The following PAPOLA variants were observed in gnomAD, a reference collection of about 807,000 sequenced individuals.
PAPOLA encodes the protein polynucleotide adenylyltransferase alpha.
In PAPOLA, 15 loss-of-function variants were observed where a neutral mutation model predicts 100.6. That is an observed-to-expected ratio of 0.15 (90% CI 0.10 to 0.23). The LOEUF (loss-of-function observed/expected upper bound fraction) is 0.23, where lower values mean the gene tolerates loss of function less well. PAPOLA is among the 10% of genes least tolerant of loss of function. The pLI, the probability that PAPOLA is intolerant of heterozygous loss-of-function variation, is 1.00. For synonymous variants in PAPOLA, 293 were observed against 300.0 expected (o/e 0.98, Z 0.24); for missense variants, 533 against 884.2 (o/e 0.60, Z 5.04).
rs544682517 is a variant in PAPOLA at position 96,561,346 on chromosome 14, C to T, written c.2067+635C>T. ...TGTGGAAAAATTGGAAATTCTCCCC[C>T]TTCTCCCAAATTATCCAGATTTCTA... On this transcript the variant is annotated intron_variant, in intron 20 of 21. Transcript: ENST00000216277. 1.5e-4 allele frequency among the ~76,000 whole-genome samples: 23 copies of T among 152,226 alleles called. 1 individual carries two copies. The South Asian group carries it at 4.6e-3, about 30-fold the overall frequency.
chr14:96,535,157 T>C, intron 10 of PAPOLA: 1 of 937,840 alleles, frequency 1.1e-6, no homozygotes, highest in Non-Finnish European at 1.3e-6. Flanking sequence ...CTTTATAAAC[T>C]GATAAAAGAA....
chr14:96,552,565 C>T lies in PAPOLA; in HGVS notation c.1607C>T (p.Pro536Leu). 1 of 1,614,036 alleles carries T rather than the reference C, an allele frequency of 6.2e-7. No homozygotes were observed. Among genetic ancestry groups the T allele is most frequent in the Non-Finnish European group, 8.5e-7 (1 of 1,179,870 alleles). ...GACAGTGATAACAGCATGTCTGTGCCTTCACCTACTAGTGCTACGAAGACC... is the reference window on the plus strand; with the variant it reads ...GACAGTGATAACAGCATGTCTGTGCTTTCACCTACTAGTGCTACGAAGACC... ...SMDSDNSMSV[P>L]SPTSATKTSP... Residue 536 changes from proline (P) to leucine (L), a missense_variant, in exon 17 of 22, where the codon CCT becomes CTT. Around this residue, in one of 9 missense-constraint regions of PAPOLA, gnomAD observed 242 missense variants for 281.0 expected, o/e 0.86. Coordinates refer to ENST00000216277, the MANE Select transcript of PAPOLA (RefSeq NM_032632.5).
chr14:96,516,871 A>G (rs1024066405), intron 1 of PAPOLA, among the ~76,000 whole-genome samples: 11 of 152,174 alleles, frequency 7.2e-5, no homozygotes, highest in African/African-American at 2.7e-4. Context: ...TGTTCTAGTG[A>G]GAAAGTTAAA....
At chr14:96,538,567 AAAAG>A (rs1899725007) in intron 12 of PAPOLA, among the ~76,000 whole-genome samples, 1 of 152,024 alleles carries the variant, frequency 6.6e-6, no homozygotes, top group Admixed American at 6.6e-5. Context: ...AGGTTGTAAA[AAAAG>A]CAGCAACAAA....
intron 19 of PAPOLA, among the ~76,000 whole-genome samples, chr14:96,559,510 G>A (rs546996904): frequency 4.4e-4 from 64 of 146,950 alleles, no homozygotes; most frequent in African/African-American, 1.2e-3. Context: ...AATAAAAATC[G>A]AAAATGTTTG....
chr14:96,545,748 A>G (rs1309007681), intron 15 of PAPOLA, among the ~76,000 whole-genome samples: 1 of 152,078 alleles, frequency 6.6e-6, no homozygotes, highest in Non-Finnish European at 1.5e-5. Flanking sequence ...CCTTTTAATC[A>G]ATACAATAAC....
intron 1 of PAPOLA, among the ~76,000 whole-genome samples, chr14:96,511,046 A>G (rs1469934231): frequency 6.6e-6 from 1 of 152,244 alleles, no homozygotes; most frequent in Non-Finnish European, 1.5e-5. Context: ...GTTACTTTAA[A>G]TAAGTTAACT....
intron 1 of PAPOLA, 65 bp from the exon 2 acceptor site, chr14:96,519,990 T>C (rs1461969629): frequency 1.7e-5 from 23 of 1,321,722 alleles, no homozygotes; most frequent in Non-Finnish European, 2.3e-5. Flanking sequence ...GTTTTTCTGG[T>C]CTTACTGATT....
intron 19 of PAPOLA, among the ~76,000 whole-genome samples, chr14:96,559,550 C>CCTCTCTCTCTCTCTCTCTCTCT (rs66829530): frequency 8.4e-6 from 1 of 118,482 alleles, no homozygotes; most frequent in Non-Finnish European, 1.7e-5. Flanking sequence ...GCTAAATTAA[C>CCTCTCTCTCTCTCTCTCTCTCT]CTCTCTCTCT....
chr14:96,532,883 C>A, intron 9 of PAPOLA: 1 of 1,213,348 alleles, frequency 8.2e-7, no homozygotes, highest in South Asian at 2.9e-5. Flanking sequence ...CATAAACTTA[C>A]CCTCTGAATA....
intron 1 of PAPOLA, among the ~76,000 whole-genome samples, chr14:96,503,908 CA>C (rs1896523496): frequency 6.6e-6 from 1 of 152,136 alleles, no homozygotes; most frequent in Non-Finnish European, 1.5e-5. Flanking sequence ...AAGGATTTTC[CA>C]TGGCTCCCAC....
chr14:96,520,025 G>A (rs768626019), intron 1 of PAPOLA, 30 bp from the exon 2 acceptor site: 2 of 1,532,194 alleles, frequency 1.3e-6, no homozygotes, highest in Non-Finnish European at 1.8e-6. Context: ...GAATTCTTTT[G>A]GCAGTAATTG....
At chr14:96,543,815 T>C (rs913180192) in intron 14 of PAPOLA, among the ~76,000 whole-genome samples, 14 of 152,116 alleles carry the variant, frequency 9.2e-5, no homozygotes, top group African/African-American at 3.4e-4. Context: ...CCCAGATTTT[T>C]CTAAAAAGAT....
At position 96,565,064 on chromosome 14, in the gene PAPOLA, G is replaced by A; in HGVS notation, c.*14G>A. 1 of 1,327,388 alleles carries A rather than the reference G, an allele frequency of 7.5e-7. No homozygotes were observed. The highest frequency in any genetic ancestry group is 1.1e-6 in the Non-Finnish European group (1 of 919,284). 82.2% of individuals were successfully genotyped at this position (1,327,388 alleles called of 1,614,324 possible). On this transcript the variant is annotated 3_prime_UTR_variant, in exon 22 of 22. Coordinates refer to ENST00000216277, the MANE Select transcript of PAPOLA (RefSeq NM_032632.5). ...TTGAATCGGTAAAAACAACCTCAGG[G>A]GTCCATAAACAATATCTGCCAACTC... is the stretch of plus-strand genomic sequence containing the variant.
intron 11 of PAPOLA, 55 bp from the exon 12 acceptor site, chr14:96,536,921 A>T (rs1899588719): frequency 2.0e-6 from 2 of 999,334 alleles, no homozygotes; most frequent in Non-Finnish European, 3.2e-6. Context: ...AGATTATTTA[A>T]AATTCTAGAT....
intron 1 of PAPOLA, among the ~76,000 whole-genome samples, chr14:96,515,077 G>A (rs1897362328): frequency 6.6e-6 from 1 of 152,110 alleles, no homozygotes; most frequent in Non-Finnish European, 1.5e-5. Flanking sequence ...ACAAAGGAGT[G>A]GAAGGAAAGG....
chr14:96,512,881 A>G (rs1897199177), intron 1 of PAPOLA, among the ~76,000 whole-genome samples: 1 of 152,182 alleles, frequency 6.6e-6, no homozygotes, highest in South Asian at 2.1e-4. Context: ...AAGAGAGTTA[A>G]TTTACAAATG....
intron 6 of PAPOLA, among the ~76,000 whole-genome samples, chr14:96,529,745 A>C (rs770400430): frequency 1.9e-4 from 29 of 152,030 alleles, no homozygotes; most frequent in South Asian, 1.0e-3. Context: ...AACAAACAAA[A>C]AAAAAGTGAT....
intron 16 of PAPOLA, among the ~76,000 whole-genome samples, chr14:96,549,179 T>C (rs1035808219): frequency 6.6e-6 from 1 of 152,158 alleles, no homozygotes; most frequent in Non-Finnish European, 1.5e-5. Flanking sequence ...TATTCACAAC[T>C]TGGAGATAGG....
Sources: gnomAD v4.1 joint callset for allele counts (sites outside exome capture counted in the v4.1 genomes callset) on GRCh38, gnomAD v4.1.1 for gene constraint, gnomAD v4.1.1 regional missense constraint, MANE v1.5 for transcripts, NCBI Gene and HGNC (gene_info 2026-07-23, HGNC 2026-07-21) for gene names.